Variants in MYL5 observed in about 807,000 individuals in gnomAD.
MYL5 encodes the protein myosin light chain 5.
A neutral mutation model predicts 20.8 loss-of-function variants in MYL5; 28 were observed. The observed-to-expected ratio is 1.35, with a 90% CI of 1.00 to 1.84. The LOEUF (loss-of-function observed/expected upper bound fraction) is 1.84, where lower values mean the gene tolerates loss of function less well. Ranked by LOEUF, MYL5 falls within the 40% of genes most tolerant of loss-of-function variation. The pLI is 0.00. For synonymous variants in MYL5, 118 were observed against 87.4 expected, an observed-to-expected ratio of 1.35 and a Z score of -1.95; for missense variants, 274 against 227.3, an observed-to-expected ratio of 1.21 and a Z score of -1.32.
rs1739330735 is a variant in MYL5, at chr4:680,345, T to C, written c.293-164T>C. ...GCAGGAGTGCCCGACAAGGCCTCCTTGGGGCTCAGGAAAGGAGAAGGCCTT... is the reference window on the plus strand; with the variant it reads ...GCAGGAGTGCCCGACAAGGCCTCCTCGGGGCTCAGGAAAGGAGAAGGCCTT... On this transcript the variant is annotated intron_variant, in intron 4 of 6. Transcript: ENST00000400159. Among the ~76,000 whole-genome samples, 3 of 152,112 alleles carry C rather than the reference T, an allele frequency of 2.0e-5. No homozygotes were observed. In the South Asian group the frequency reaches 6.2e-4, roughly 31 times the overall value.
chr4:679,814 C>A, intron 3 of MYL5, 100 bp from the exon 6 acceptor site: 1 of 967,764 alleles, frequency 1.0e-6, no homozygotes, highest in East Asian at 2.5e-5. Flanking sequence ...TCCCTCCCCA[C>A]CCTTCCCATC....
At chr4:680,685 A>C in intron 5 of MYL5, 98 bp downstream of exon 7, 1 of 1,223,894 alleles carries the variant, frequency 8.2e-7, no homozygotes, top group Non-Finnish European at 1.2e-6. Context: ...TGCCACGCCC[A>C]CCTCCCCACC....
At chr4:675,447 C>T (rs1428731681), upstream of MYL5, 1 of 152,472 alleles carries the variant, frequency 6.6e-6, no homozygotes, top group Non-Finnish European at 1.5e-5. Flanking sequence ...GCTCGGGTCT[C>T]GCTAAGGTGC....
At chr4:675,379 C>G (rs895101945), upstream of MYL5, 5 of 152,402 alleles carry the variant, frequency 3.3e-5, no homozygotes, top group Non-Finnish European at 7.3e-5. Flanking sequence ...GACGCAAGGC[C>G]TCCTGTGTCC....
Position 678,482 on chromosome 4 carries a change from C to A in MYL5, c.4-176C>A. On this transcript the variant is annotated intron_variant, in intron 1 of 6. Coordinates refer to ENST00000400159, the Ensembl canonical transcript of MYL5. ...AAGCCAGACACCTGCAGCCGTCCTG[C>A]CCCCAACCCCAGCTACCCAGGCCTG... The A allele has an allele frequency of 2.8e-6, 4 of 1,437,206 alleles. No homozygotes were observed. In the South Asian group the frequency reaches 4.5e-5, roughly 16 times the overall value. 89.0% of individuals were successfully genotyped at this position (1,437,206 alleles called of 1,614,324 possible). A position where few individuals can be genotyped will look rare whatever the true frequency, so the allele number is the denominator to read the frequency against.
intron 2 of MYL5, 42 bp downstream of exon 4, chr4:678,807 G>A: frequency 6.2e-7 from 1 of 1,608,756 alleles, no homozygotes. Flanking sequence ...ACCCCCAGGA[G>A]CCTGTGCTGG....
intron 2 of MYL5, 74 bp from the exon 5 acceptor site, chr4:678,884 G>A: frequency 6.2e-7 from 1 of 1,609,638 alleles, no homozygotes; most frequent in Non-Finnish European, 8.5e-7. Flanking sequence ...CAGGGGTGCT[G>A]AGGAACCGGG....
upstream of MYL5, among the ~76,000 whole-genome samples, chr4:677,500 G>T (rs745454328): frequency 1.3e-5 from 2 of 152,332 alleles, no homozygotes; most frequent in East Asian, 3.9e-4. Context: ...GTCAGACGGG[G>T]TGGTCCCAGG....
upstream of MYL5, chr4:674,673 G>A: frequency 4.1e-6 from 1 of 243,822 alleles, no homozygotes; most frequent in South Asian, 4.4e-5. Context: ...GCGGAGCGTC[G>A]GAGGCCTGAG....
At chr4:679,188 C>T (rs1056895846) in intron 3 of MYL5, 155 bp downstream of exon 5, 9 of 787,978 alleles carry the variant, frequency 1.1e-5, no homozygotes, top group East Asian at 2.7e-5. Context: ...TGGCCCTGGC[C>T]GCCCTTGGTT....
At chr4:677,040 G>T (rs550420208), upstream of MYL5, 2 of 525,774 alleles carry the variant, frequency 3.8e-6, no homozygotes, top group African/African-American at 2.1e-5. Context: ...ACACGGTGGC[G>T]CCCCCAGGGA....
intron 5 of MYL5, 42 bp from the exon 8 acceptor site, chr4:681,050 A>AC (rs1560155809): frequency 1.3e-6 from 2 of 1,564,562 alleles, no homozygotes; most frequent in South Asian, 1.2e-5. Flanking sequence ...AGGCTCCTGC[A>AC]CCCCCGCATC....
At chr4:678,003 G>T (rs199897367) in exon 1 of MYL5, 18 of 1,613,246 alleles carry the variant, frequency 1.1e-5, no homozygotes, top group Admixed American at 1.7e-5. Flanking sequence ...CTGGGCAGAC[G>T]CATCAAAGCA....
chr4:681,648 C>G (rs1352938248), intron 6 of MYL5, among the ~76,000 whole-genome samples: 2 of 60,180 alleles, frequency 3.3e-5, no homozygotes, highest in Admixed American at 2.9e-4. Flanking sequence ...CCGCCCCGCC[C>G]CCTCCAGCGC....
At chr4:681,425 G>A (rs1222919206) in intron 6 of MYL5, among the ~76,000 whole-genome samples, 2 of 151,876 alleles carry the variant, frequency 1.3e-5, no homozygotes, top group African/African-American at 4.8e-5. Context: ...ACAGCTGTGC[G>A]GTCCGGAGCC....
intron 6 of MYL5, 53 bp from the exon 9 acceptor site, chr4:681,840 G>A: frequency 2.3e-6 from 3 of 1,293,888 alleles, no homozygotes; most frequent in East Asian, 2.9e-5. Context: ...GCAGGTGCGC[G>A]CTTGTAATTC....
exon 1 of MYL5, chr4:678,020 A>C: frequency 6.2e-7 from 1 of 1,613,412 alleles, no homozygotes; most frequent in Non-Finnish European, 8.5e-7. Flanking sequence ...AGCAGGCAGA[A>C]GCAGGCATGG....
At chr4:681,896 G>A (rs1202278266) in exon 7 of MYL5, 1 of 1,315,880 alleles carries the variant, frequency 7.6e-7, no homozygotes, top group Non-Finnish European at 9.8e-7. Context: ...CCCGCAGGTG[G>A]ACCAGATGTT....
At position 681,150 on chromosome 4, in the gene MYL5, G is replaced by T; in HGVS notation, c.420+10G>T. ...GATGACGGCGGAAGAGGTCTGGCCC[G>T]CGGCTTCCCTGCCAAGCCCACGAGG... On this transcript the variant is annotated intron_variant, in intron 6 of 6. Coordinates refer to ENST00000400159, the Ensembl canonical transcript of MYL5. 1 of 1,602,072 alleles carries T rather than the reference G, an allele frequency of 6.2e-7. No individual in the cohort carries two copies.
Sources: gnomAD v4.1 joint callset for allele counts (sites outside exome capture counted in the v4.1 genomes callset) on GRCh38, gnomAD v4.1.1 for gene constraint, MANE v1.5 for transcripts, NCBI Gene and HGNC (gene_info 2026-07-23, HGNC 2026-07-21) for gene names.